Variants in THSD7B observed in about 807,000 individuals in gnomAD.
THSD7B encodes the protein thrombospondin type-1 domain-containing protein 7B.
A neutral mutation model predicts 213.6 loss-of-function variants in THSD7B; 138 were observed. The observed-to-expected ratio is 0.65, with a 90% CI of 0.56 to 0.74. The LOEUF (loss-of-function observed/expected upper bound fraction) is 0.74. Among genes scored for constraint, THSD7B ranks in the 30% least tolerant of loss-of-function variants. The pLI is 0.00. For missense variants in THSD7B, 1,931 were observed against 1,991.5 expected, an observed-to-expected ratio of 0.97 and a Z score of 0.58; for synonymous variants, 742 against 687.0, an observed-to-expected ratio of 1.08 and a Z score of -1.25.
At chr2:137,263,557 A>G (rs1413783110) in intron 10 of THSD7B, among the ~76,000 whole-genome samples, 3 of 152,182 alleles carry the variant, frequency 2.0e-5, no homozygotes, top group African/African-American at 7.2e-5. Context: ...ATTTAAGAAT[A>G]TAGAGTACAT....
intron 12 of THSD7B, among the ~76,000 whole-genome samples, chr2:137,372,945 G>C (rs2104952214): frequency 6.7e-6 from 1 of 148,216 alleles, no homozygotes; most frequent in East Asian, 2.0e-4. Flanking sequence ...TGAATATGTG[G>C]TGTTTGGTTT....
intron 15 of THSD7B, among the ~76,000 whole-genome samples, chr2:137,500,882 A>G (rs1291423726): frequency 6.6e-6 from 1 of 152,176 alleles, no homozygotes; most frequent in East Asian, 1.9e-4. Context: ...ATTGCACCAG[A>G]AAGGATTGTT....
intron 12 of THSD7B, among the ~76,000 whole-genome samples, chr2:137,306,041 T>C (rs1558750414): frequency 2.0e-5 from 3 of 152,084 alleles, no homozygotes; most frequent in Non-Finnish European, 4.4e-5. Context: ...TTACCATGAA[T>C]GGAATTTGCA....
intron 1 of THSD7B, among the ~76,000 whole-genome samples, chr2:136,863,991 C>G (rs921833665): frequency 1.1e-4 from 16 of 152,284 alleles, no homozygotes; most frequent in Non-Finnish European, 1.5e-4. Flanking sequence ...TTTAGATAAG[C>G]TTTGTGCTGC....
At chr2:136,930,011 G>C (rs1018979293) in intron 2 of THSD7B, among the ~76,000 whole-genome samples, 1 of 152,158 alleles carries the variant, frequency 6.6e-6, no homozygotes, top group Non-Finnish European at 1.5e-5. Context: ...GGAAGAAGGT[G>C]GTTGTTGGCC....
intron 5 of THSD7B, among the ~76,000 whole-genome samples, chr2:137,132,723 C>T (rs1688761396): frequency 6.6e-6 from 1 of 152,126 alleles, no homozygotes; most frequent in Non-Finnish European, 1.5e-5. Flanking sequence ...CAGTGATTTC[C>T]TCTTGAAGAG....
intron 1 of THSD7B, among the ~76,000 whole-genome samples, chr2:136,775,555 C>T (rs1681585363): frequency 6.6e-6 from 1 of 152,020 alleles, no homozygotes; most frequent in Admixed American, 6.6e-5. Flanking sequence ...GGATAAAGAA[C>T]CTTATCATTC....
intron 17 of THSD7B, among the ~76,000 whole-genome samples, chr2:137,586,439 T>C: frequency 6.6e-6 from 1 of 152,214 alleles, no homozygotes; most frequent in East Asian, 1.9e-4. Context: ...ATCGATGGTC[T>C]TTACAATTTG....
intron 9 of THSD7B, among the ~76,000 whole-genome samples, chr2:137,234,394 G>A (rs1055145765): frequency 4.6e-5 from 7 of 152,224 alleles, no homozygotes; most frequent in African/African-American, 1.4e-4. Flanking sequence ...TTGGCCATGT[G>A]TAAGGAAAGT....
chr2:137,056,588 T>C lies in THSD7B; in HGVS notation c.308T>C (p.Leu103Pro). 1 of 1,613,938 alleles carries C rather than the reference T, an allele frequency of 6.2e-7. No homozygotes were observed. Among genetic ancestry groups the C allele is most frequent in the Non-Finnish European group, 8.5e-7 (1 of 1,179,866 alleles). The change falls in exon 3 of 28, where the codon CTC becomes CCC. Residue 103 changes from leucine (L) to proline (P), a missense_variant. Physicochemically the swap from Leu to Pro is moderately conservative, Grantham distance 98 (BLOSUM62 -3). Transcript: ENST00000409968. ...CFRVCDWHSD[L>P]FQWEVSDWHH... ...CGAGTTTGTGACTGGCACAGTGACC[T>C]CTTTCAGTGGGAGGTTTCTGACTGG...
intron 2 of THSD7B, among the ~76,000 whole-genome samples, chr2:136,898,605 A>ATGT (rs1558843856): frequency 9.1e-6 from 1 of 109,896 alleles, no homozygotes; most frequent in Non-Finnish European, 2.0e-5. Flanking sequence ...AGCTCACAGT[A>ATGT]TGTTAAAACT....
chr2:137,559,198 G>A (rs1681051371), intron 15 of THSD7B, among the ~76,000 whole-genome samples: 1 of 152,060 alleles, frequency 6.6e-6, no homozygotes, highest in Admixed American at 6.6e-5. Context: ...TTTCTTCACA[G>A]AATTGGAAAA....
At chr2:137,485,983 C>T (rs1054144685) in intron 15 of THSD7B, among the ~76,000 whole-genome samples, 3 of 152,156 alleles carry the variant, frequency 2.0e-5, no homozygotes, top group Non-Finnish European at 4.4e-5. Context: ...CCTAAAAGAG[C>T]TCCTGAAGGA....
chr2:137,424,767 G>A (rs1274553307), intron 14 of THSD7B, among the ~76,000 whole-genome samples: 1 of 152,036 alleles, frequency 6.6e-6, no homozygotes, highest in Non-Finnish European at 1.5e-5. Flanking sequence ...ACTCACCACA[G>A]ATAAAAAATA....
At chr2:137,372,745 G>A (rs1343466430) in intron 12 of THSD7B, among the ~76,000 whole-genome samples, 1 of 151,800 alleles carries the variant, frequency 6.6e-6, no homozygotes, top group East Asian at 1.9e-4. Flanking sequence ...TGTGCACAAT[G>A]TGCAGGTTAG....
intron 2 of THSD7B, among the ~76,000 whole-genome samples, chr2:136,901,778 C>T (rs1684067354): frequency 1.3e-5 from 2 of 152,222 alleles, no homozygotes; most frequent in African/African-American, 4.8e-5. Context: ...TTTTTAAAAA[C>T]TTTTCCTTGA....
In THSD7B at chr2:137,486,512, A is replaced by G. The variant is rs1227182571; in HGVS notation, c.3138+35489A>G. Among the ~76,000 whole-genome samples the G allele has an allele frequency of 9.3e-5, 14 of 151,252 alleles. No individual in the cohort carries two copies. In the South Asian group the frequency reaches 2.9e-3, roughly 32 times the overall value. On this transcript the variant is annotated intron_variant, in intron 15 of 27. Coordinates refer to ENST00000409968, the MANE Select transcript of THSD7B (RefSeq NM_001316349.2). ...ATAAAGCAAGTCCTTAGTGACCTAC[A>G]AAGAGACTTAGACTCCCACACAATA...
intron 10 of THSD7B, among the ~76,000 whole-genome samples, chr2:137,247,318 A>G (rs1301879413): frequency 2.6e-5 from 4 of 152,220 alleles, no homozygotes; most frequent in African/African-American, 9.6e-5. Flanking sequence ...GGTTAATACA[A>G]TGTATTCATG....
At chr2:137,409,006 C>T (rs914341669) in intron 13 of THSD7B, among the ~76,000 whole-genome samples, 25 of 152,170 alleles carry the variant, frequency 1.6e-4, no homozygotes, top group African/African-American at 5.5e-4. Context: ...ATGACTGTAT[C>T]GTAACATGCT....
Sources: gnomAD v4.1 joint callset for allele counts (sites outside exome capture counted in the v4.1 genomes callset) on GRCh38, gnomAD v4.1.1 for gene constraint, MANE v1.5 for transcripts, NCBI Gene and HGNC (gene_info 2026-07-23, HGNC 2026-07-21) for gene names.